DCC: variants seen among roughly 807,000 people sequenced by gnomAD.
DCC encodes the protein netrin receptor DCC.
Under a neutral mutation model 172.5 loss-of-function variants are expected in DCC, and 58 were observed. The observed-to-expected ratio is 0.34, with a 90% CI of 0.27 to 0.42. DCC has a LOEUF of 0.42. Ranked by LOEUF, DCC falls within the 10% of genes least tolerant of loss-of-function variation. The pLI is 1.00. For synonymous variants in DCC, 709 were observed against 644.5 expected, an observed-to-expected ratio of 1.10 and a Z score of -1.52; for missense variants, 1,740 against 1,791.0, an observed-to-expected ratio of 0.97 and a Z score of 0.51.
intron 15 of DCC, among the ~76,000 whole-genome samples, chr18:53,365,808 A>G (rs2057999464): frequency 3.3e-5 from 5 of 152,210 alleles, no homozygotes; most frequent in Non-Finnish European, 7.3e-5. Context: ...TGCTCAGGAA[A>G]TTTATGAGAC....
At chr18:52,739,785 C>T (rs946649505) in intron 1 of DCC, among the ~76,000 whole-genome samples, 1 of 152,188 alleles carries the variant, frequency 6.6e-6, no homozygotes, top group Non-Finnish European at 1.5e-5. Flanking sequence ...AGGTACTAAC[C>T]AAGAGCTTTC....
At chr18:53,480,788 C>T (rs1236855174) in intron 25 of DCC, 4 of 152,084 alleles carry the variant, frequency 2.6e-5, no homozygotes, top group Non-Finnish European at 4.4e-5. Flanking sequence ...TGCTCTTCAA[C>T]GTGTAGCTAT....
At chr18:52,431,003 T>C (rs965920826) in intron 1 of DCC, among the ~76,000 whole-genome samples, 1 of 152,162 alleles carries the variant, frequency 6.6e-6, no homozygotes, top group African/African-American at 2.4e-5. Flanking sequence ...CCCACAAAAC[T>C]GGAGGGATTA....
intron 2 of DCC, among the ~76,000 whole-genome samples, chr18:52,785,142 G>T (rs778654603): frequency 6.6e-6 from 1 of 151,996 alleles, no homozygotes; most frequent in Non-Finnish European, 1.5e-5. Context: ...CCAGTTAATC[G>T]ACACCATCTT....
At chr18:53,303,820 T>C (rs1469015513) in intron 12 of DCC, among the ~76,000 whole-genome samples, 1 of 152,184 alleles carries the variant, frequency 6.6e-6, no homozygotes, top group African/African-American at 2.4e-5. Flanking sequence ...CTCAGTGCCT[T>C]CTTGGTACCT....
chr18:52,359,265 T>C (rs760232496), intron 1 of DCC, among the ~76,000 whole-genome samples: 25 of 152,188 alleles, frequency 1.6e-4, no homozygotes, highest in Non-Finnish European at 3.2e-4. Flanking sequence ...GGTACAAAAA[T>C]GTAGACTAAT....
intron 2 of DCC, among the ~76,000 whole-genome samples, chr18:52,785,535 TG>T (rs1341907973): frequency 6.6e-6 from 1 of 152,036 alleles, no homozygotes; most frequent in South Asian, 2.1e-4. Flanking sequence ...GGGTATCATG[TG>T]GGGAAAAGCA....
chr18:52,434,031 G>T (rs1481378466), intron 1 of DCC, among the ~76,000 whole-genome samples: 6 of 152,124 alleles, frequency 3.9e-5, no homozygotes, highest in Non-Finnish European at 7.3e-5. Context: ...GTGGTGTAAA[G>T]CCATTTCAAT....
intron 24 of DCC, among the ~76,000 whole-genome samples, chr18:53,467,283 A>G (rs2045633708): frequency 1.3e-5 from 2 of 152,106 alleles, no homozygotes; most frequent in African/African-American, 4.8e-5. Context: ...AATACGTATT[A>G]TAATTAACTT....
chr18:52,386,080 A>G (rs889660852), intron 1 of DCC, among the ~76,000 whole-genome samples: 2 of 152,118 alleles, frequency 1.3e-5, no homozygotes, highest in African/African-American at 4.8e-5. Context: ...GACATCTAGC[A>G]TAAGGTCAGA....
intron 1 of DCC, among the ~76,000 whole-genome samples, chr18:52,718,049 T>G (rs1284112819): frequency 6.6e-6 from 1 of 152,192 alleles, no homozygotes; most frequent in Non-Finnish European, 1.5e-5. Flanking sequence ...TATCAATGAC[T>G]GCAAGGAGGC....
chr18:52,886,884 C>T (rs577013819), intron 2 of DCC, among the ~76,000 whole-genome samples: 67 of 152,098 alleles, frequency 4.4e-4, no homozygotes, highest in African/African-American at 1.6e-3. Context: ...CTCTCCTCTT[C>T]CTTTAAAAAT....
chr18:52,939,820 G>A (rs1051923050), intron 5 of DCC, among the ~76,000 whole-genome samples: 7 of 152,100 alleles, frequency 4.6e-5, no homozygotes, highest in Admixed American at 6.6e-5. Context: ...AGAATAGGGG[G>A]CCCTTGGGTG....
chr18:53,023,836 G>A (rs958471274), intron 5 of DCC, among the ~76,000 whole-genome samples: 1 of 152,116 alleles, frequency 6.6e-6, no homozygotes, highest in Non-Finnish European at 1.5e-5. Context: ...TGTATGATCT[G>A]CTTTCCAGGA....
intron 2 of DCC, among the ~76,000 whole-genome samples, chr18:52,893,204 C>T (rs1447745670): frequency 6.6e-6 from 1 of 151,946 alleles, no homozygotes; most frequent in African/African-American, 2.4e-5. Context: ...GAATATAGCA[C>T]TCAGGCACAT....
chr18:53,469,209 T>C (rs1335133194), intron 25 of DCC, among the ~76,000 whole-genome samples: 1 of 152,146 alleles, frequency 6.6e-6, no homozygotes, highest in African/African-American at 2.4e-5. Context: ...CTCATCTCCC[T>C]TGGTCTTCCT....
At chr18:53,211,119 A>C (rs936978770) in intron 11 of DCC, among the ~76,000 whole-genome samples, 2 of 152,226 alleles carry the variant, frequency 1.3e-5, no homozygotes, top group Admixed American at 1.3e-4. Context: ...GTCCAAATGC[A>C]GAAGGACCTG....
chr18:52,928,273 C>T lies in DCC; in HGVS notation c.985+2903C>T, dbSNP rs556787904. ...TTGATGTTTAGTTTCCAATGTGGGA[C>T]ACTGGGGCCTACTGAGAGTGGAGGG... On this transcript the variant is annotated intron_variant, in intron 5 of 28. Coordinates refer to ENST00000442544, the MANE Select transcript of DCC (RefSeq NM_005215.4). Among the ~76,000 whole-genome samples, 9 of 152,090 alleles carry T rather than the reference C, an allele frequency of 5.9e-5. No homozygotes were observed. The South Asian group carries it at 1.0e-3, about 18-fold the overall frequency.
At chr18:53,410,268 T>A (rs561901942) in intron 19 of DCC, among the ~76,000 whole-genome samples, 184 bp from the exon 20 acceptor site, 328 of 152,278 alleles carry the variant, frequency 2.2e-3, no homozygotes, top group Non-Finnish European at 3.5e-3. Context: ...TTCTGTACAT[T>A]GCAGCAATTA....
Sources: gnomAD v4.1 joint callset for allele counts (sites outside exome capture counted in the v4.1 genomes callset) on GRCh38, gnomAD v4.1.1 for gene constraint, MANE v1.5 for transcripts, NCBI Gene and HGNC (gene_info 2026-07-23, HGNC 2026-07-21) for gene names.